Variants in DOT1L observed in about 807,000 individuals in gnomAD.
DOT1L encodes histone-lysine N-methyltransferase, H3 lysine-79 specific.
A neutral mutation model predicts 153.3 loss-of-function variants in DOT1L; 33 were observed. That is an observed-to-expected ratio of 0.22 (90% CI 0.16 to 0.29). The LOEUF is 0.29. Among genes scored for constraint, DOT1L ranks in the 10% least tolerant of loss-of-function variants. DOT1L has a pLI of 1.00. For synonymous variants in DOT1L, 1,135 were observed against 965.1 expected (o/e 1.18, Z -3.26); for missense variants, 1,847 against 2,119.9 (o/e 0.87, Z 2.53).
intron 1 of DOT1L, among the ~76,000 whole-genome samples, chr19:2,176,244 C>T (rs905097305): frequency 1.3e-5 from 2 of 152,160 alleles, no homozygotes; most frequent in Non-Finnish European, 2.9e-5. Flanking sequence ...CAGCATCCCA[C>T]ACCACAAGGC....
At chr19:2,214,695 C>T in intron 19 of DOT1L, 99 bp downstream of exon 19, 1 of 1,497,320 alleles carries the variant, frequency 6.7e-7, no homozygotes, top group Non-Finnish European at 9.0e-7. Flanking sequence ...TTGCAGCAGC[C>T]TAGGAAGAAG....
At chr19:2,228,430 C>T (rs1257644030) in intron 27 of DOT1L, 6 of 1,237,990 alleles carry the variant, frequency 4.8e-6, no homozygotes, top group East Asian at 5.1e-5. Flanking sequence ...ACTGAACTGT[C>T]CTTCCTTTGG....
chr19:2,214,730 G>A, intron 19 of DOT1L, 134 bp downstream of exon 19: 1 of 1,352,966 alleles, frequency 7.4e-7, no homozygotes, highest in Non-Finnish European at 9.9e-7. Context: ...TTGGGTGGAG[G>A]CTTATGGAAC....
Position 2,187,938 on chromosome 19 carries a change from A to C in DOT1L, c.201-1794A>C, listed in dbSNP as rs796290615. ...CTCCATCTCAGAAAAAAAAAAAAAA[A>C]GGGAAGTGAAAAGACAGGAAGGGCC... On this transcript the variant is annotated intron_variant, in intron 3 of 27. Transcript: ENST00000398665. Among the ~76,000 whole-genome samples, 21 of 148,200 alleles carry C rather than the reference A, an allele frequency of 1.4e-4. 1 individual carries two copies. The South Asian group carries it at 4.5e-3, about 32-fold the overall frequency.
intron 25 of DOT1L, among the ~76,000 whole-genome samples, chr19:2,224,171 G>T (rs908398101): frequency 6.6e-6 from 1 of 152,206 alleles, no homozygotes. Flanking sequence ...CCATCCATCC[G>T]CCCTCCGTGC....
intron 19 of DOT1L, among the ~76,000 whole-genome samples, chr19:2,214,958 G>A (rs1210797973): frequency 6.6e-6 from 1 of 152,246 alleles, no homozygotes; most frequent in African/African-American, 2.4e-5. Context: ...GCTTATGCCT[G>A]TAATCCCAGC....
chr19:2,207,982 G>A lies in DOT1L; in HGVS notation c.963+302G>A, dbSNP rs1721601886. 6.6e-6 allele frequency among the ~76,000 whole-genome samples: 1 copy of A among 152,134 alleles called. No homozygotes were observed. The highest frequency in any genetic ancestry group is 1.5e-5 in the Non-Finnish European group (1 of 68,006). The stretch of plus-strand genomic sequence containing the variant: ...CCATCAGAGTGATGTGTGACCATAA[G>A]GGTCCCGGCCGCCATATCCAGAGGC... On this transcript the variant is annotated intron_variant, in intron 11 of 27. Coordinates refer to ENST00000398665, the MANE Select transcript of DOT1L (RefSeq NM_032482.3). The surrounding 1 kb of genome is among the most constrained non-coding windows in gnomAD (Gnocchi z 4.5).
chr19:2,214,786 A>C, intron 19 of DOT1L, 190 bp downstream of exon 19: 3 of 742,436 alleles, frequency 4.0e-6, no homozygotes, highest in South Asian at 2.2e-5. Flanking sequence ...ACTCTGCCTC[A>C]CTCTAGCCCT....
intron 20 of DOT1L, 40 bp downstream of exon 20, chr19:2,216,805 CT>C (rs765052955): frequency 6.4e-7 from 1 of 1,561,614 alleles, no homozygotes; most frequent in Non-Finnish European, 8.7e-7. Flanking sequence ...CAGCTGGTAC[CT>C]GCCGACTCTG....
chr19:2,217,745 G>A lies in DOT1L; in HGVS notation c.2545-27G>A, dbSNP rs745328468. ...GTCCTGGAGGGGTTTGTTGACCCACGACTGGGGGTCGGGCCTTCGTCTGCA... is the reference window on the plus strand; with the variant it reads ...GTCCTGGAGGGGTTTGTTGACCCACAACTGGGGGTCGGGCCTTCGTCTGCA... On this transcript the variant is annotated intron_variant, in intron 21 of 27. Coordinates refer to ENST00000398665, the MANE Select transcript of DOT1L (RefSeq NM_032482.3). The surrounding 1 kb of genome is among the most constrained non-coding windows in gnomAD (Gnocchi z 7.3). The A allele has an allele frequency of 6.9e-6, 11 of 1,585,798 alleles. No individual in the cohort carries two copies. Among genetic ancestry groups the A allele is most frequent in the Non-Finnish European group, 9.4e-6 (11 of 1,167,422 alleles).
At chr19:2,165,416 C>T (rs2019875215) in intron 1 of DOT1L, among the ~76,000 whole-genome samples, 2 of 152,176 alleles carry the variant, frequency 1.3e-5, no homozygotes, top group African/African-American at 2.4e-5. Flanking sequence ...GGGAGCGCAG[C>T]TTCCAGCCTG....
rs1403954778 is a variant in DOT1L, at chr19:2,191,572, A to T, written c.493+332A>T. On this transcript the variant is annotated intron_variant, in intron 5 of 27. Coordinates refer to ENST00000398665, the MANE Select transcript of DOT1L (RefSeq NM_032482.3). The surrounding 1 kb of genome is among the most constrained non-coding windows in gnomAD (Gnocchi z 6.8). ...CTACTGCTCGCTCCCAGAAGCTGCC[A>T]CTCGCTAGCCTGGGCCCCAGCCCGG... Among the ~76,000 whole-genome samples the T allele has an allele frequency of 6.6e-6, 1 of 151,296 alleles. No homozygotes were observed. The highest frequency in any genetic ancestry group is 2.4e-5 in the African/African-American group (1 of 41,056).
At position 2,217,918 on chromosome 19, in the gene DOT1L, G is replaced by T; in HGVS notation, c.2691G>T (p.Ala897=). Residue 897 remains alanine, a splice_region_variant and synonymous_variant, in exon 22 of 28, where the codon GCG becomes GCT. Coordinates refer to ENST00000398665, the MANE Select transcript of DOT1L (RefSeq NM_032482.3). This position sits in a 1 kb window ranked among gnomAD's most constrained non-coding sequence, Gnocchi z 7.3. The stretch of plus-strand genomic sequence containing the variant: ...TGCTGCCCAGCCGCGCCGAGAGGGC[G>T]GTGAGTGGCTCCCAGGTGGCTGTCC... ...SVVLPSRAER[A]RSTPSPVLQP... The T allele has an allele frequency of 6.2e-7, 1 of 1,611,004 alleles. No individual in the cohort carries two copies.
In DOT1L at chr19:2,206,835, A is replaced by G. The variant is rs780653744; in HGVS notation, c.856+38A>G. ...CATGTTGTTAATGATGAACACGGGT[A>G]ATTTTAACCATCTGACACGCAGTAT... On this transcript the variant is annotated intron_variant, in intron 10 of 27. Transcript: ENST00000398665. 3 of 1,585,952 alleles carry G rather than the reference A, an allele frequency of 1.9e-6. No homozygotes were observed. The African/African-American group carries it at 4.0e-5, about 21-fold the overall frequency.
chr19:2,180,654 G>A (rs1334417716), intron 1 of DOT1L, 59 bp from the exon 2 acceptor site: 2 of 1,604,362 alleles, frequency 1.2e-6, no homozygotes, highest in Non-Finnish European at 1.7e-6. Context: ...CGGGAAGAGA[G>A]CGATGGGCTC....
At chr19:2,202,331 C>T (rs76904602) in intron 8 of DOT1L, among the ~76,000 whole-genome samples, 6,058 of 152,326 alleles carry the variant, frequency 0.04, 164 homozygotes, top group East Asian at 0.13. Context: ...AGTCCAGCCC[C>T]GTGCTGGGCC....
intron 1 of DOT1L, among the ~76,000 whole-genome samples, chr19:2,168,241 G>A (rs1415767182): frequency 6.6e-6 from 1 of 152,210 alleles, no homozygotes; most frequent in Non-Finnish European, 1.5e-5. Flanking sequence ...GCCCAGGCGG[G>A]AGGATTGCTT....
chr19:2,217,667 G>A lies in DOT1L; in HGVS notation c.2545-105G>A. ...GGTTGCAGGGCCTTGGCAGCGTGGG[G>A]GCCGCCTTGAGAGAGCTGTAGCAGG... On this transcript the variant is annotated intron_variant, in intron 21 of 27. Transcript: ENST00000398665. This position sits in a 1 kb window ranked among gnomAD's most constrained non-coding sequence, Gnocchi z 7.3. 6.8e-7 allele frequency: 1 copy of A among 1,476,782 alleles called. No individual in the cohort carries two copies. The highest frequency in any genetic ancestry group is 9.1e-7 in the Non-Finnish European group (1 of 1,103,148). The allele number at this position is 1,476,782 out of a possible 1,614,324, so 91.5% of individuals were successfully genotyped here.
chr19:2,187,540 A>G (rs997581322), intron 3 of DOT1L, among the ~76,000 whole-genome samples: 2 of 152,206 alleles, frequency 1.3e-5, no homozygotes, highest in African/African-American at 4.8e-5. Context: ...GCATTTGCAC[A>G]GCCTGCCAGG....
Sources: allele counts gnomAD v4.1 joint callset (sites outside exome capture counted in the v4.1 genomes callset), GRCh38; gene constraint gnomAD v4.1.1; non-coding constraint Gnocchi (gnomAD v3.1); transcripts MANE v1.5; gene names NCBI Gene and HGNC (gene_info 2026-07-23, HGNC 2026-07-21).